Variants in ASTN2 observed in about 807,000 individuals in gnomAD.
ASTN2 encodes astrotactin-2.
ASTN2 carries 54 observed loss-of-function variants against 139.8 expected under a neutral mutation model. The ratio of observed to expected loss-of-function variants is 0.39; its 90% CI spans 0.31 to 0.48. The LOEUF (loss-of-function observed/expected upper bound fraction) is 0.48. Among genes scored for constraint, ASTN2 ranks in the 20% least tolerant of loss-of-function variants. The pLI, the probability that ASTN2 is intolerant of heterozygous loss-of-function variation, is 0.95. For synonymous variants in ASTN2, 756 were observed against 719.5 expected (o/e 1.05, Z -0.81); for missense variants, 1,565 against 1,725.1 (o/e 0.91, Z 1.64).
intron 1 of ASTN2, among the ~76,000 whole-genome samples, chr9:117,340,435 A>G (rs2130863836): frequency 6.6e-6 from 1 of 152,030 alleles, no homozygotes; most frequent in East Asian, 1.9e-4. Flanking sequence ...CGGTTATAGA[A>G]GAAAAATGCC....
chr9:117,120,781 T>C (rs893501133), intron 4 of ASTN2, among the ~76,000 whole-genome samples: 4 of 152,160 alleles, frequency 2.6e-5, no homozygotes, highest in Non-Finnish European at 5.9e-5. Flanking sequence ...AAAACTAAAG[T>C]CTCATCCTGT....
intron 1 of ASTN2, among the ~76,000 whole-genome samples, chr9:117,323,301 C>T (rs900213479): frequency 6.6e-6 from 1 of 152,136 alleles, no homozygotes; most frequent in Non-Finnish European, 1.5e-5. Context: ...AAGCCTCATT[C>T]TCAAATATAA....
chr9:116,591,436 T>C (rs890058450), intron 19 of ASTN2, among the ~76,000 whole-genome samples: 2 of 152,222 alleles, frequency 1.3e-5, no homozygotes, highest in Non-Finnish European at 2.9e-5. Flanking sequence ...TGGCTTGCCC[T>C]TGGCAGGCAT....
intron 19 of ASTN2, among the ~76,000 whole-genome samples, chr9:116,580,834 T>C (rs889412090): frequency 6.6e-6 from 1 of 152,136 alleles, no homozygotes; most frequent in Admixed American, 6.5e-5. Context: ...CTTCCTTTAA[T>C]TAGTCTGAAC....
intron 3 of ASTN2, among the ~76,000 whole-genome samples, chr9:117,179,920 T>A (rs1236791761): frequency 6.6e-6 from 1 of 152,164 alleles, no homozygotes; most frequent in Non-Finnish European, 1.5e-5. Context: ...AGGATGTAGG[T>A]GATGGATGAT....
chr9:117,060,344 G>GAGAGAAAGAA (rs1839213331), intron 5 of ASTN2, among the ~76,000 whole-genome samples: 1 of 58,894 alleles, frequency 1.7e-5, no homozygotes, highest in African/African-American at 8.0e-5. Flanking sequence ...GAAAGAAAGA[G>GAGAGAAAGAA]AGAAAGAAAG....
intron 6 of ASTN2, among the ~76,000 whole-genome samples, chr9:117,017,085 CA>C (rs1837736226): frequency 6.6e-6 from 1 of 151,812 alleles, no homozygotes. Context: ...TTTGACGTTT[CA>C]AAAAAGTATC....
intron 10 of ASTN2, among the ~76,000 whole-genome samples, chr9:116,889,912 C>CA (rs1332062176): frequency 2.0e-5 from 3 of 151,320 alleles, no homozygotes; most frequent in Non-Finnish European, 2.9e-5. Flanking sequence ...GCCTAGGCAA[C>CA]AAAGCAAGAC....
chr9:117,371,211 A>G (rs1587989071), intron 1 of ASTN2, among the ~76,000 whole-genome samples: 2 of 152,152 alleles, frequency 1.3e-5, no homozygotes, highest in South Asian at 2.1e-4. Flanking sequence ...ATGTCCCTAC[A>G]TTATCAAATA....
chr9:117,002,473 T>C (rs1254796441), intron 7 of ASTN2, among the ~76,000 whole-genome samples: 1 of 152,064 alleles, frequency 6.6e-6, no homozygotes, highest in Non-Finnish European at 1.5e-5. Flanking sequence ...AGAGGGATGA[T>C]GTTGGAGATG....
intron 20 of ASTN2, among the ~76,000 whole-genome samples, chr9:116,450,649 A>C (rs746915826): frequency 1.3e-5 from 2 of 152,098 alleles, no homozygotes; most frequent in Non-Finnish European, 2.9e-5. Flanking sequence ...ACTTCCCCCC[A>C]GCTGAGTGCT....
intron 17 of ASTN2, among the ~76,000 whole-genome samples, chr9:116,622,451 C>T (rs1340617205): frequency 6.6e-6 from 1 of 152,174 alleles, no homozygotes; most frequent in East Asian, 1.9e-4. Context: ...TGGCACAGCA[C>T]ATGGTACTGT....
At position 117,198,466 on chromosome 9, in the gene ASTN2, G is replaced by C. The variant is rs550633008; in HGVS notation, c.1015+15892C>G. ...TGGGATACAAGTGCAGAATGTGCAG[G>C]TTTGTTACATAGGTATATATGTGCC... On this transcript the variant is annotated intron_variant, in intron 3 of 22. Transcript: ENST00000313400. 2.6e-5 allele frequency among the ~76,000 whole-genome samples: 4 copies of C among 152,172 alleles called. No individual in the cohort carries two copies. In the South Asian group the frequency reaches 8.3e-4, roughly 32 times the overall value.
At chr9:116,523,459 T>C (rs1354080571) in intron 19 of ASTN2, among the ~76,000 whole-genome samples, 9 of 152,142 alleles carry the variant, frequency 5.9e-5, no homozygotes, top group East Asian at 3.9e-4. Flanking sequence ...TGACCTGGTA[T>C]AGAAAAAAGA....
At chr9:116,979,437 C>T (rs1836446985) in intron 7 of ASTN2, among the ~76,000 whole-genome samples, 1 of 151,754 alleles carries the variant, frequency 6.6e-6, no homozygotes, top group Non-Finnish European at 1.5e-5. Context: ...ACCTAATGAA[C>T]TGATTGTTGC....
chr9:117,054,610 T>C (rs1839004317), intron 5 of ASTN2, among the ~76,000 whole-genome samples: 1 of 152,112 alleles, frequency 6.6e-6, no homozygotes, highest in African/African-American at 2.4e-5. Context: ...AAGAGTTAGC[T>C]GATGGGAAAA....
At chr9:116,464,537 T>C (rs902877326) in intron 20 of ASTN2, among the ~76,000 whole-genome samples, 1 of 152,196 alleles carries the variant, frequency 6.6e-6, no homozygotes, top group African/African-American at 2.4e-5. Flanking sequence ...ATTATCTTCC[T>C]TGAGAGCAGT....
intron 13 of ASTN2, among the ~76,000 whole-genome samples, chr9:116,741,964 A>G (rs147243320): frequency 5.8e-4 from 88 of 152,286 alleles, no homozygotes; most frequent in African/African-American, 2.1e-3. Flanking sequence ...CATTCATTCA[A>G]CAAATATTTA....
intron 5 of ASTN2, among the ~76,000 whole-genome samples, chr9:117,044,402 A>G (rs1194903990): frequency 6.6e-6 from 1 of 152,184 alleles, no homozygotes; most frequent in African/African-American, 2.4e-5. Flanking sequence ...GCCTTCACTA[A>G]GCCAGATGCC....
Sources: allele counts gnomAD v4.1 joint callset (sites outside exome capture counted in the v4.1 genomes callset), GRCh38; gene constraint gnomAD v4.1.1; transcripts MANE v1.5; gene names NCBI Gene and HGNC (gene_info 2026-07-23, HGNC 2026-07-21).